Variants in AGMO observed in about 807,000 individuals in gnomAD.
AGMO encodes the protein glyceryl-ether monooxygenase.
In AGMO, 75 loss-of-function variants were observed where a neutral mutation model predicts 60.2. That is an observed-to-expected ratio of 1.25 (90% CI 1.03 to 1.51). The LOEUF (loss-of-function observed/expected upper bound fraction) is 1.51. Ranked by LOEUF, AGMO falls within the 40% of genes most tolerant of loss-of-function variation. The pLI is 0.00. For missense variants in AGMO, 763 were observed against 525.5 expected, an observed-to-expected ratio of 1.45 and a Z score of -4.42; for synonymous variants, 261 against 177.1, an observed-to-expected ratio of 1.47 and a Z score of -3.76.
Position 15,561,720 on chromosome 7 carries a change from CT to C in AGMO, c.125del (p.Lys42ArgfsTer9). On this transcript the variant is annotated frameshift_variant and splice_region_variant, in exon 1 of 13. Transcript: ENST00000342526. LOFTEE classifies it high-confidence loss of function. ...GTAGCCTCTTCCAATAAAGTCTCAC[CT>C]TTTTTACATAATCAGGCACCTCTTC... ...TLEEVPDYVK[K>X]ATPFFISLML... The C allele has an allele frequency of 1.2e-6, 2 of 1,600,578 alleles. No homozygotes were observed. Among genetic ancestry groups the C allele is most frequent in the Middle Eastern group, 1.7e-4 (1 of 5,976 alleles).
chr7:15,458,802 G>A (rs1005659454), intron 3 of AGMO, among the ~76,000 whole-genome samples: 9 of 152,116 alleles, frequency 5.9e-5, no homozygotes, highest in South Asian at 2.1e-4. Flanking sequence ...AAATTGCAGG[G>A]CCAAGTCAGG....
chr7:15,118,207 C>T, the AGMO span, among the ~76,000 whole-genome samples: 71 of 140,458 alleles, frequency 5.1e-4, no homozygotes, highest in African/African-American at 1.4e-3. Context: ...CACACACACA[C>T]ACATATATAC....
At chr7:15,541,379 C>T (rs755142652) in intron 3 of AGMO, among the ~76,000 whole-genome samples, 1 of 152,132 alleles carries the variant, frequency 6.6e-6, no homozygotes, top group Non-Finnish European at 1.5e-5. Context: ...CTCAGCCTCC[C>T]AAAGTGCTGG....
intron 8 of AGMO, among the ~76,000 whole-genome samples, chr7:15,388,052 T>A (rs564259116): frequency 4.1e-4 from 62 of 152,132 alleles, no homozygotes; most frequent in African/African-American, 1.5e-3. Context: ...GGATTACAGG[T>A]GCCTGCCACC....
downstream of AGMO, among the ~76,000 whole-genome samples, chr7:15,198,231 GAGAGAGAGAGAGAGAGAGAGAGAGAC>G (rs1298683486): frequency 0.017 from 2,026 of 116,756 alleles, 114 homozygotes; most frequent in African/African-American, 0.077. Flanking sequence ...GAGAGAGAGA[GAGAGAGAGAGAGAGAGAGAGAGAGAC>G]AGAGACAGAG....
At chr7:15,321,258 T>C (rs758667098) in intron 12 of AGMO, among the ~76,000 whole-genome samples, 24 of 152,140 alleles carry the variant, frequency 1.6e-4, no homozygotes, top group Non-Finnish European at 1.9e-4. Flanking sequence ...CGTATATAGA[T>C]AGATTGTTGG....
chr7:15,456,752 T>G (rs1401166567), intron 3 of AGMO, among the ~76,000 whole-genome samples: 2 of 152,190 alleles, frequency 1.3e-5, no homozygotes, highest in Admixed American at 6.6e-5. Context: ...TCTGGAGTTC[T>G]GTGGTGCAGT....
chr7:15,231,247 T>C (rs763024727), intron 12 of AGMO, among the ~76,000 whole-genome samples: 2 of 152,214 alleles, frequency 1.3e-5, no homozygotes, highest in Non-Finnish European at 2.9e-5. Context: ...TGTGGTCCTA[T>C]TTCATTGGGA....
chr7:15,471,674 C>G (rs1324936937), intron 3 of AGMO, among the ~76,000 whole-genome samples: 1 of 151,850 alleles, frequency 6.6e-6, no homozygotes, highest in Non-Finnish European at 1.5e-5. Context: ...CAGGCTCATT[C>G]CAGCATTTTT....
intron 3 of AGMO, among the ~76,000 whole-genome samples, chr7:15,486,467 G>A (rs1583602654): frequency 6.6e-6 from 1 of 152,304 alleles, no homozygotes; most frequent in East Asian, 1.9e-4. Flanking sequence ...ACATTCAAAT[G>A]ACTGCTGAAT....
chr7:15,122,752 C>A, the AGMO span, among the ~76,000 whole-genome samples: 1 of 152,076 alleles, frequency 6.6e-6, no homozygotes, highest in South Asian at 2.1e-4. Flanking sequence ...GCAACCACTT[C>A]TACCTTCACA....
chr7:15,430,918 G>A (rs201908184), intron 4 of AGMO, 87 bp downstream of exon 4: 1 of 366,502 alleles, frequency 2.7e-6, no homozygotes, highest in Non-Finnish European at 4.6e-6. Context: ...CCTTCTATTA[G>A]TTTTTTTTTT....
intron 3 of AGMO, among the ~76,000 whole-genome samples, chr7:15,525,001 T>G (rs1183985004): frequency 1.3e-5 from 2 of 152,146 alleles, no homozygotes; most frequent in African/African-American, 4.8e-5. Context: ...CCCCACTGAC[T>G]GAATGGATCT....
the AGMO span, among the ~76,000 whole-genome samples, chr7:15,176,773 A>G: frequency 6.6e-6 from 1 of 152,084 alleles, no homozygotes; most frequent in South Asian, 2.1e-4. Context: ...AGATCCCCAG[A>G]GCTTATTTGT....
intron 5 of AGMO, among the ~76,000 whole-genome samples, chr7:15,403,475 C>G (rs903024942): frequency 1.3e-5 from 2 of 151,374 alleles, no homozygotes; most frequent in African/African-American, 4.9e-5. Context: ...ATTTTAATGT[C>G]TACTAATTTA....
intron 3 of AGMO, among the ~76,000 whole-genome samples, chr7:15,460,859 C>A (rs879439505): frequency 1.3e-5 from 2 of 152,006 alleles, no homozygotes; most frequent in Admixed American, 1.3e-4. Flanking sequence ...AATCTGAATT[C>A]TTGATAAAGC....
At chr7:15,399,177 C>T (rs182573285) in intron 5 of AGMO, among the ~76,000 whole-genome samples, 1 of 152,040 alleles carries the variant, frequency 6.6e-6, no homozygotes, top group East Asian at 1.9e-4. Context: ...CTCGGTCTTA[C>T]AACTTGAGAA....
chr7:15,346,173 C>T (rs1782024081), intron 12 of AGMO, among the ~76,000 whole-genome samples: 1 of 152,048 alleles, frequency 6.6e-6, no homozygotes, highest in Non-Finnish European at 1.5e-5. Flanking sequence ...TGGAAACAGG[C>T]ATCTCAAACT....
rs531109307 is a variant in AGMO, at chr7:15,359,246, G to A, written c.1263+6268C>T. On this transcript the variant is annotated intron_variant, in intron 12 of 12. Transcript: ENST00000342526. ...GGAGCTTGCAGTGAGCCGAGATCAC[G>A]CCACTGCACTGCAGCCTCAGCAACA... is the stretch of plus-strand genomic sequence containing the variant. Among the ~76,000 whole-genome samples the A allele has an allele frequency of 3.5e-3, 503 of 143,218 alleles. 1 individual carries two copies. The highest frequency in any genetic ancestry group is 0.012 in the African/African-American group (440 of 38,030). 94.0% of individuals were successfully genotyped at this position (143,218 alleles called of 152,430 possible).
Sources: allele counts gnomAD v4.1 joint callset (sites outside exome capture counted in the v4.1 genomes callset), GRCh38; gene constraint gnomAD v4.1.1; transcripts MANE v1.5; gene names NCBI Gene and HGNC (gene_info 2026-07-23, HGNC 2026-07-21).